FAM120C: variants seen among roughly 807,000 people sequenced by gnomAD.
FAM120C encodes constitutive coactivator of PPAR-gamma-like protein 2.
FAM120C carries 14 observed loss-of-function variants against 71.2 expected under a neutral mutation model. That is an observed-to-expected ratio of 0.20 (90% CI 0.13 to 0.31). The LOEUF is 0.31. Ranked by LOEUF, FAM120C falls within the 10% of genes least tolerant of loss-of-function variation. FAM120C has a pLI of 1.00. For synonymous variants in FAM120C, 354 were observed against 353.2 expected, an observed-to-expected ratio of 1.00 and a Z score of -0.03; for missense variants, 500 against 879.0, an observed-to-expected ratio of 0.57 and a Z score of 5.45.
At chrX:54,144,292 AT>A (rs1557132114) in intron 4 of FAM120C, among the ~76,000 whole-genome samples, 1 of 111,316 alleles carries the variant, frequency 9.0e-6, no homozygotes, top group Non-Finnish European at 1.9e-5. Context: ...CCTATTCAAC[AT>A]AGTGTTGGAA....
At chrX:54,088,074 A>C in intron 11 of FAM120C, 110 bp from the exon 12 acceptor site, 1 of 640,638 alleles carries the variant, frequency 1.6e-6, no homozygotes, top group Non-Finnish European at 2.4e-6. Flanking sequence ...ACATGCTGTC[A>C]TTCAATGTAG....
At chrX:54,131,915 AT>A (rs782425954) in intron 9 of FAM120C, among the ~76,000 whole-genome samples, 2 of 104,571 alleles carry the variant, frequency 1.9e-5, no homozygotes, top group South Asian at 4.3e-4. Flanking sequence ...TGCCCAGCTA[AT>A]TTTTTTTTGT....
At position 54,134,176 on chromosome X, in the gene FAM120C, G is replaced by T. The variant is rs782433667; in HGVS notation, c.1617-130C>A. The T allele has an allele frequency of 9.4e-5, 57 of 608,976 alleles. No homozygotes were observed. In the East Asian group the frequency reaches 2.0e-3, roughly 21 times the overall value. The allele number at this position is 608,976 out of a possible 1,213,427, so 50.2% of individuals were successfully genotyped here. On this transcript the variant is annotated intron_variant, in intron 7 of 15. Transcript: ENST00000375180. ...GAGGGCAGGACACTGGGTTAGCACT[G>T]GACTGGTACCTTTCCTCTCAATGGC...
Position 54,107,064 on chromosome X carries a change from T to C in FAM120C, c.2312+9481A>G, listed in dbSNP as rs1249559420. Among the ~76,000 whole-genome samples, 9 of 110,759 alleles carry C rather than the reference T, an allele frequency of 8.1e-5. No homozygotes were observed. In the Admixed American group the frequency reaches 8.7e-4, roughly 11 times the overall value. Reference sequence around the variant, plus strand: ...CATGTAACGTAGAGAACCAAATAAATGGGAAAATGAGCTATTATATGTATT... The same window carrying C: ...CATGTAACGTAGAGAACCAAATAAACGGGAAAATGAGCTATTATATGTATT... On this transcript the variant is annotated intron_variant, in intron 10 of 15. Coordinates refer to ENST00000375180, the MANE Select transcript of FAM120C (RefSeq NM_017848.6).
chrX:54,094,380 A>T (rs2066839878), intron 10 of FAM120C, among the ~76,000 whole-genome samples: 1 of 107,553 alleles, frequency 9.3e-6, no homozygotes, highest in African/African-American at 3.4e-5. Context: ...TACAGGCATG[A>T]GCCATCGCAC....
chrX:54,129,091 G>T (rs1449548733), intron 9 of FAM120C, among the ~76,000 whole-genome samples: 1 of 105,405 alleles, frequency 9.5e-6, no homozygotes, highest in African/African-American at 3.5e-5. Flanking sequence ...GCGGCCGGCC[G>T]GGCAGGGGGC....
chrX:54,083,386 T>C (rs2066776735), intron 13 of FAM120C, among the ~76,000 whole-genome samples: 1 of 104,495 alleles, frequency 9.6e-6, no homozygotes, highest in Non-Finnish European at 1.9e-5. Context: ...CAGGATCGCT[T>C]AAGCCCAGTT....
intron 13 of FAM120C, 143 bp from the exon 14 acceptor site, chrX:54,081,603 T>TTGG: frequency 5.1e-6 from 3 of 584,335 alleles, no homozygotes; most frequent in Non-Finnish European, 7.6e-6. Context: ...TGAAACCCTG[T>TTGG]CTCTACTAAA....
intron 10 of FAM120C, 124 bp downstream of exon 10, chrX:54,116,421 G>T: frequency 1.3e-6 from 1 of 775,554 alleles, no homozygotes; most frequent in Non-Finnish European, 1.8e-6. Context: ...GGTGTTTCTG[G>T]CGCATAAGCC....
intron 9 of FAM120C, among the ~76,000 whole-genome samples, chrX:54,117,677 G>A (rs1234285916): frequency 1.9e-5 from 2 of 107,004 alleles, no homozygotes; most frequent in East Asian, 2.9e-4. Context: ...CAGCCTGGGC[G>A]ACAGAGCGAG....
chrX:54,156,868 C>T (rs1557133771), intron 3 of FAM120C, among the ~76,000 whole-genome samples: 1 of 84,664 alleles, frequency 1.2e-5, no homozygotes, highest in Non-Finnish European at 2.2e-5. Context: ...GCCTGGGTGA[C>T]GGAGTAAGAC....
intron 4 of FAM120C, among the ~76,000 whole-genome samples, chrX:54,142,538 G>T (rs1166841610): frequency 8.9e-6 from 1 of 112,051 alleles, no homozygotes; most frequent in Non-Finnish European, 1.9e-5. Context: ...GCGAGGCTGG[G>T]GGAGGGGCGT....
chrX:54,102,783 G>A (rs2066888585), intron 10 of FAM120C, among the ~76,000 whole-genome samples: 2 of 86,833 alleles, frequency 2.3e-5, no homozygotes, highest in Non-Finnish European at 2.2e-5. Context: ...GCAGTGGCGC[G>A]ATCTCAGCTC....
intron 9 of FAM120C, 33 bp downstream of exon 9, chrX:54,132,659 T>C: frequency 1.7e-6 from 2 of 1,147,052 alleles, no homozygotes; most frequent in Non-Finnish European, 2.3e-6. Flanking sequence ...TGTCAAGTGC[T>C]GAGAGAATTG....
rs782522104 is a variant in FAM120C at position 54,152,971 on chromosome X, G to A, written c.1030-1598C>T. ...GGCACTCTGGGAGGCGGAGGCTGGCGGATCACCTGAGGTCAGGAGTTCGAG... is the reference window on the plus strand; with the variant it reads ...GGCACTCTGGGAGGCGGAGGCTGGCAGATCACCTGAGGTCAGGAGTTCGAG... On this transcript the variant is annotated intron_variant, in intron 3 of 15. Coordinates refer to ENST00000375180, the MANE Select transcript of FAM120C (RefSeq NM_017848.6). Among the ~76,000 whole-genome samples the A allele has an allele frequency of 6.3e-5, 7 of 111,763 alleles. No homozygotes were observed. In the East Asian group the frequency reaches 1.4e-3, roughly 22 times the overall value.
At chrX:54,145,042 C>T (rs1557132224) in intron 4 of FAM120C, among the ~76,000 whole-genome samples, 1 of 111,764 alleles carries the variant, frequency 8.9e-6, no homozygotes, top group African/African-American at 3.3e-5. Context: ...CTTTGACAAA[C>T]CTGACAAAAA....
intron 9 of FAM120C, among the ~76,000 whole-genome samples, chrX:54,118,719 TTTTTTTA>T (rs1347778251): frequency 3.4e-5 from 3 of 88,660 alleles, no homozygotes; most frequent in Non-Finnish European, 4.5e-5. Flanking sequence ...TTTTTTTTTT[TTTTTTTA>T]ATTATACTCT....
chrX:54,156,952 C>T (rs781895851), intron 3 of FAM120C, among the ~76,000 whole-genome samples: 169 of 104,948 alleles, frequency 1.6e-3, no homozygotes, highest in African/African-American at 5.7e-3. Context: ...GGCTGAGGCA[C>T]GAGAATTGCT....
Position 54,081,308 on chromosome X carries a change from A to G in FAM120C, c.2978+14T>C. 1 of 1,202,810 alleles carries G rather than the reference A, an allele frequency of 8.3e-7. No homozygotes were observed. Among genetic ancestry groups the G allele is most frequent in the Non-Finnish European group, 1.1e-6 (1 of 891,184 alleles). ...CAAGGGGACTAGCTCATATCAACCT[A>G]TTTGGGTACATACCCCTTTCCTGGC... On this transcript the variant is annotated intron_variant, in intron 14 of 15. Coordinates refer to ENST00000375180, the MANE Select transcript of FAM120C (RefSeq NM_017848.6).
Sources: allele counts gnomAD v4.1 joint callset (sites outside exome capture counted in the v4.1 genomes callset), GRCh38; gene constraint gnomAD v4.1.1; transcripts MANE v1.5; gene names NCBI Gene and HGNC (gene_info 2026-07-23, HGNC 2026-07-21).